Variants in EEFSEC observed in about 807,000 individuals in gnomAD.
The protein encoded by EEFSEC is eukaryotic elongation factor, selenocysteine-tRNA specific.
EEFSEC carries 43 observed loss-of-function variants against 42.1 expected under a neutral mutation model. That is an observed-to-expected ratio of 1.02 (90% CI 0.80 to 1.32). EEFSEC has a LOEUF of 1.32. Among genes scored for constraint, EEFSEC ranks in the 40% most tolerant of loss-of-function variants. The pLI, the probability that EEFSEC is intolerant of heterozygous loss-of-function variation, is 0.00. For synonymous variants in EEFSEC, 354 were observed against 339.1 expected, an observed-to-expected ratio of 1.04 and a Z score of -0.48; for missense variants, 745 against 803.6, an observed-to-expected ratio of 0.93 and a Z score of 0.88.
chr3:128,381,342 G>A (rs2067774076), intron 6 of EEFSEC, among the ~76,000 whole-genome samples: 1 of 152,208 alleles, frequency 6.6e-6, no homozygotes, highest in African/African-American at 2.4e-5. Context: ...CCCTCTCCCT[G>A]AGTGGTCATC....
chr3:128,259,174 C>T (rs1322838624), intron 2 of EEFSEC, among the ~76,000 whole-genome samples: 1 of 152,188 alleles, frequency 6.6e-6, no homozygotes, highest in African/African-American at 2.4e-5. Flanking sequence ...CTCTTTCTGC[C>T]ACTCCCACTG....
At chr3:128,279,139 C>T (rs1213158264) in intron 4 of EEFSEC, among the ~76,000 whole-genome samples, 1 of 152,188 alleles carries the variant, frequency 6.6e-6, no homozygotes, top group Non-Finnish European at 1.5e-5. Context: ...TAATGTGAAC[C>T]ATACGGCGGC....
At chr3:128,389,633 C>A (rs1309114762) in intron 6 of EEFSEC, among the ~76,000 whole-genome samples, 1 of 152,254 alleles carries the variant, frequency 6.6e-6, no homozygotes, top group African/African-American at 2.4e-5. Flanking sequence ...ATAAACAAGT[C>A]CAGTTACAGG....
At chr3:128,200,768 C>G (rs1157867986) in intron 1 of EEFSEC, among the ~76,000 whole-genome samples, 1 of 152,160 alleles carries the variant, frequency 6.6e-6, no homozygotes, top group African/African-American at 2.4e-5. Context: ...ATGGAATAAG[C>G]CTTTGTTCTT....
chr3:128,208,656 A>G (rs955924543), intron 1 of EEFSEC, among the ~76,000 whole-genome samples: 6 of 152,254 alleles, frequency 3.9e-5, no homozygotes, highest in South Asian at 4.1e-4. Flanking sequence ...GTGGATTGCT[A>G]TGTCTGAGGT....
In EEFSEC at chr3:128,317,484, C is replaced by T. The variant is rs973322838; in HGVS notation, c.787-23749C>T. On this transcript the variant is annotated intron_variant, in intron 4 of 6. Coordinates refer to ENST00000254730, the MANE Select transcript of EEFSEC (RefSeq NM_021937.5). The surrounding 1 kb of genome is among the most constrained non-coding windows in gnomAD (Gnocchi z 4.1). Reference sequence around the variant, plus strand: ...AGCACAAGGGCCCCTCTGGGGCTGGCGTCCTCTTCCTGTCATTACAGTTTG... The same window carrying T: ...AGCACAAGGGCCCCTCTGGGGCTGGTGTCCTCTTCCTGTCATTACAGTTTG... Among the ~76,000 whole-genome samples the T allele has an allele frequency of 3.9e-5, 6 of 152,210 alleles. No homozygotes were observed. Among genetic ancestry groups the T allele is most frequent in the Admixed American group, 2.0e-4 (3 of 15,280 alleles).
intron 4 of EEFSEC, among the ~76,000 whole-genome samples, chr3:128,329,488 C>T (rs895220653): frequency 4.0e-5 from 6 of 148,302 alleles, no homozygotes; most frequent in African/African-American, 1.5e-4. Context: ...TAGCAAGTAT[C>T]GGAGATAAAG....
intron 1 of EEFSEC, among the ~76,000 whole-genome samples, chr3:128,232,107 T>A (rs1000184319): frequency 1.3e-5 from 2 of 152,080 alleles, no homozygotes; most frequent in African/African-American, 4.8e-5. Context: ...CCTGTATAAC[T>A]CGTATCATCT....
chr3:128,344,474 G>C (rs1476725379), intron 5 of EEFSEC, among the ~76,000 whole-genome samples: 3 of 152,158 alleles, frequency 2.0e-5, no homozygotes, highest in Non-Finnish European at 4.4e-5. Context: ...TACGAACCCA[G>C]GTCCCCTCCC....
chr3:128,278,853 T>C (rs1376040617), intron 4 of EEFSEC, among the ~76,000 whole-genome samples: 1 of 152,054 alleles, frequency 6.6e-6, no homozygotes, highest in Non-Finnish European at 1.5e-5. Context: ...GTCTGCAAAA[T>C]CTCCAGGTAA....
intron 4 of EEFSEC, among the ~76,000 whole-genome samples, chr3:128,274,535 G>A (rs758137922): frequency 5.3e-5 from 8 of 152,184 alleles, no homozygotes; most frequent in Non-Finnish European, 1.0e-4. Context: ...CACATGTTGA[G>A]GGAGCCTAGG....
At chr3:128,189,703 C>G (rs2065502071) in intron 1 of EEFSEC, among the ~76,000 whole-genome samples, 1 of 150,908 alleles carries the variant, frequency 6.6e-6, no homozygotes, top group Admixed American at 6.6e-5. Context: ...GACTAAGGTC[C>G]TCACCACCAT....
At chr3:128,327,325 G>A (rs1044816752) in intron 4 of EEFSEC, among the ~76,000 whole-genome samples, 1 of 89,084 alleles carries the variant, frequency 1.1e-5, no homozygotes, top group Non-Finnish European at 2.3e-5. Flanking sequence ...CCTCTCTCCC[G>A]ATCTCATTTG....
chr3:128,184,250 G>A (rs2065441720), intron 1 of EEFSEC, among the ~76,000 whole-genome samples: 1 of 152,164 alleles, frequency 6.6e-6, no homozygotes, highest in African/African-American at 2.4e-5. Context: ...TTAAGTACAT[G>A]CATATTGTAG....
intron 6 of EEFSEC, among the ~76,000 whole-genome samples, chr3:128,361,013 G>A (rs1255505770): frequency 3.3e-5 from 5 of 152,000 alleles, no homozygotes. Context: ...TGAAGGGAGA[G>A]AGAGTGCATT....
the EEFSEC span, among the ~76,000 whole-genome samples, chr3:128,420,969 C>A: frequency 6.6e-6 from 1 of 152,164 alleles, no homozygotes; most frequent in Non-Finnish European, 1.5e-5. Flanking sequence ...GACAAGGAGG[C>A]TCTCAGGCCT....
At chr3:128,185,572 C>CT (rs954997512) in intron 1 of EEFSEC, among the ~76,000 whole-genome samples, 27 of 151,632 alleles carry the variant, frequency 1.8e-4, no homozygotes, top group African/African-American at 5.1e-4. Context: ...GTAATATTTT[C>CT]TTTTTTTGAA....
intron 1 of EEFSEC, among the ~76,000 whole-genome samples, chr3:128,176,878 A>C (rs751699071): frequency 8.5e-5 from 13 of 152,152 alleles, no homozygotes; most frequent in South Asian, 2.1e-4. Context: ...TTTACTACTG[A>C]TAATAAAGAC....
chr3:128,158,782 T>A (rs1944423806), intron 1 of EEFSEC, among the ~76,000 whole-genome samples: 1 of 152,262 alleles, frequency 6.6e-6, no homozygotes. Flanking sequence ...GGTCTGGAAC[T>A]GAATGCACAA....
Sources: gnomAD v4.1 joint callset for allele counts (sites outside exome capture counted in the v4.1 genomes callset) on GRCh38, gnomAD v4.1.1 for gene constraint, Gnocchi (gnomAD v3.1) non-coding constraint, MANE v1.5 for transcripts, NCBI Gene and HGNC (gene_info 2026-07-23, HGNC 2026-07-21) for gene names.